The following TMEM161B variants were observed in gnomAD, a reference collection of about 807,000 sequenced individuals.
TMEM161B encodes transmembrane protein 161B.
Under a neutral mutation model 61.8 loss-of-function variants are expected in TMEM161B, and 34 were observed. That is an observed-to-expected ratio of 0.55 (90% CI 0.42 to 0.73). TMEM161B has a LOEUF of 0.73. Among genes scored for constraint, TMEM161B ranks in the 30% least tolerant of loss-of-function variants. The pLI, the probability that TMEM161B is intolerant of heterozygous loss-of-function variation, is 0.00. For missense variants in TMEM161B, 456 were observed against 558.5 expected, an observed-to-expected ratio of 0.82 and a Z score of 1.85; for synonymous variants, 167 against 192.8, an observed-to-expected ratio of 0.87 and a Z score of 1.11.
intron 2 of TMEM161B, among the ~76,000 whole-genome samples, chr5:88,234,019 G>C (rs902923322): frequency 1.3e-5 from 2 of 152,160 alleles, no homozygotes; most frequent in African/African-American, 4.8e-5. Flanking sequence ...TGGCTACAAA[G>C]GGAAATAGAG....
chr5:88,197,988 C>A, intron 10 of TMEM161B: 1 of 368,890 alleles, frequency 2.7e-6, no homozygotes, highest in East Asian at 4.5e-5. Context: ...AAAATAGATT[C>A]CTTAAAAATA....
At position 88,221,653 on chromosome 5, in the gene TMEM161B, A is replaced by G. The variant is rs187374825; in HGVS notation, c.290-934T>C. 6.6e-6 allele frequency: 3 copies of G among 454,246 alleles called. No homozygotes were observed. The East Asian group carries it at 2.1e-4, about 32-fold the overall frequency. 28.1% of individuals were successfully genotyped at this position (454,246 alleles called of 1,614,324 possible). A position where few individuals can be genotyped will look rare whatever the true frequency, so the allele number is the denominator to read the frequency against. On this transcript the variant is annotated intron_variant, in intron 4 of 11. Transcript: ENST00000296595. ...TTACATTGAAATTAACATTCTTTGA[A>G]AGTAAATATAATTCCATCACCCTTT...
chr5:88,191,037 AT>A (rs1748776649), downstream of TMEM161B, among the ~76,000 whole-genome samples: 2 of 152,206 alleles, frequency 1.3e-5, no homozygotes, highest in African/African-American at 4.8e-5. Flanking sequence ...TAACACAGGC[AT>A]TCAATAATTG....
intron 11 of TMEM161B, among the ~76,000 whole-genome samples, 195 bp downstream of exon 11, chr5:88,197,474 T>C (rs531656925): frequency 1.3e-5 from 2 of 152,164 alleles, no homozygotes; most frequent in East Asian, 3.8e-4. Flanking sequence ...CATAAAGTTA[T>C]AAAACCATGG....
chr5:88,200,151 T>C (rs187823396), intron 9 of TMEM161B: 14 of 151,754 alleles, frequency 9.2e-5, no homozygotes, highest in Admixed American at 8.6e-4. Context: ...AAGTGTAAAA[T>C]TTTGCTCGAA....
intron 5 of TMEM161B, among the ~76,000 whole-genome samples, chr5:88,208,608 C>T (rs1746053768): frequency 2.0e-5 from 3 of 152,230 alleles, no homozygotes; most frequent in Admixed American, 6.5e-5. Flanking sequence ...CACCACTGCA[C>T]TCCAGTCTGG....
intron 1 of TMEM161B, among the ~76,000 whole-genome samples, chr5:88,263,565 C>G (rs1198657857): frequency 6.6e-6 from 1 of 152,094 alleles, no homozygotes; most frequent in Non-Finnish European, 1.5e-5. Context: ...AGAGTTTACA[C>G]TTAAGTTTAT....
intron 5 of TMEM161B, among the ~76,000 whole-genome samples, chr5:88,208,946 TCACA>T (rs1561326310): frequency 6.6e-6 from 1 of 152,178 alleles, no homozygotes; most frequent in African/African-American, 2.4e-5. Flanking sequence ...CATATATATC[TCACA>T]CACATAGTCT....
intron 3 of TMEM161B, 111 bp downstream of exon 3, chr5:88,228,334 T>C: frequency 1.3e-6 from 1 of 790,684 alleles, no homozygotes; most frequent in South Asian, 1.8e-5. Flanking sequence ...ATCTCAAATT[T>C]ATCAACTACT....
intron 1 of TMEM161B, among the ~76,000 whole-genome samples, chr5:88,242,756 T>A (rs1561400397): frequency 1.3e-5 from 2 of 151,728 alleles, no homozygotes; most frequent in African/African-American, 4.8e-5. Flanking sequence ...TTATTATCAC[T>A]ACTAGAAGAC....
At chr5:88,228,137 C>T (rs566374591) in intron 3 of TMEM161B, among the ~76,000 whole-genome samples, 2 of 152,240 alleles carry the variant, frequency 1.3e-5, no homozygotes, top group Non-Finnish European at 1.5e-5. Flanking sequence ...AACCAACTGA[C>T]GTCTTTAATT....
chr5:88,188,871 G>T (rs1046008920), downstream of TMEM161B, among the ~76,000 whole-genome samples: 1 of 152,140 alleles, frequency 6.6e-6, no homozygotes, highest in Admixed American at 6.5e-5. Flanking sequence ...GTCATCAGTG[G>T]CACCGGCTGG....
In TMEM161B at chr5:88,220,632, T is replaced by C. The variant is rs759556092; in HGVS notation, c.377A>G (p.Asn126Ser). ...CATTTCCTGTGTAGGCTTCATAAAATTGTAGTAGACTTCAGTTACTAGATA... is the reference window on the plus strand; with the variant it reads ...CATTTCCTGTGTAGGCTTCATAAAACTGTAGTAGACTTCAGTTACTAGATA... ...VVYLVTEVYY[N>S]FMKPTQEMNI... The change falls in exon 5 of 12, where the codon AAT becomes AGT. Residue 126 changes from asparagine to serine, a missense_variant. Around this residue, in one of 3 missense-constraint regions of TMEM161B, gnomAD observed 367 missense variants for 427.3 expected, o/e 0.86. Transcript: ENST00000296595. 2.2e-5 allele frequency: 36 copies of C among 1,604,396 alleles called. No homozygotes were observed. Among genetic ancestry groups the C allele is most frequent in the Admixed American group, 6.8e-5 (4 of 58,464 alleles).
chr5:88,224,077 CT>C (rs1056315360), intron 4 of TMEM161B, among the ~76,000 whole-genome samples: 3 of 152,014 alleles, frequency 2.0e-5, no homozygotes, highest in African/African-American at 7.3e-5. Context: ...GATGCTGGAC[CT>C]CTTAAGATTT....
chr5:88,220,727 GAAAAAAAAA>G lies in TMEM161B; in HGVS notation c.290-17_290-9del, dbSNP rs764112016. On this transcript the variant is annotated splice_polypyrimidine_tract_variant and intron_variant, in intron 4 of 11. Transcript: ENST00000296595. ...CTGGAAAGTAATGCAATGCTGGAAA[GAAAAAAAAA>G]AAAAAAAAAAAAAAAGGTCAAAAAA... 41 of 602,702 alleles carry G rather than the reference GAAAAAAAAA, an allele frequency of 6.8e-5. No individual in the cohort carries two copies. The East Asian group carries it at 2.0e-3, about 30-fold the overall frequency. 37.3% of individuals were successfully genotyped at this position (602,702 alleles called of 1,614,324 possible).
rs189723935 is a variant in TMEM161B at position 88,225,649 on chromosome 5, C to T, written c.289+120G>A. 5.2e-6 allele frequency: 3 copies of T among 572,126 alleles called. No homozygotes were observed. In the Admixed American group the frequency reaches 1.1e-4, roughly 21 times the overall value. The allele number at this position is 572,126 out of a possible 1,614,324, so 35.4% of individuals were successfully genotyped here. ...AATTCAAATGAAGTCATTTGAGCTT[C>T]TAAGTTCTTAGAAAGATTCCATATT... On this transcript the variant is annotated intron_variant, in intron 4 of 11. Coordinates refer to ENST00000296595, the MANE Select transcript of TMEM161B (RefSeq NM_153354.5).
chr5:88,196,229 C>T lies in TMEM161B; in HGVS notation c.1446G>A (p.Gln482=). 2 of 1,611,414 alleles carry T rather than the reference C, an allele frequency of 1.2e-6. No individual in the cohort carries two copies. Among genetic ancestry groups the T allele is most frequent in the South Asian group, 1.1e-5 (1 of 90,880 alleles). ...CTGAGATTCATGCCACAGTCAGATA[C>T]TGGTGATAGAAAAGCCCAAAAAGGC... ...STSLFGLFYH[Q]YLTVA The change falls in exon 12 of 12, where the codon CAG becomes CAA. Residue 482 remains glutamine, a synonymous_variant. Transcript: ENST00000296595.
chr5:88,199,132 G>T lies in TMEM161B; in HGVS notation c.933C>A (p.Phe311Leu). 6.2e-7 allele frequency: 1 copy of T among 1,609,588 alleles called. No individual in the cohort carries two copies. Among genetic ancestry groups the T allele is most frequent in the African/African-American group, 1.3e-5 (1 of 74,836 alleles). ...ESIPLMTEATFDTLRLWLIIL... is the reference protein window; with the variant it reads ...ESIPLMTEATLDTLRLWLIIL... Reference sequence around the variant, plus strand: ...TTATTAACCAGAGTCGCAGAGTATCGAATGTGGCTTCTGTCATTCTACAGA... The same window carrying T: ...TTATTAACCAGAGTCGCAGAGTATCTAATGTGGCTTCTGTCATTCTACAGA... Residue 311 changes from phenylalanine to leucine, a missense_variant, in exon 10 of 12, where the codon TTC (phenylalanine) becomes TTA (leucine). By Grantham distance (22) the Phe-to-Leu change is conservative. Around this residue, in one of 3 missense-constraint regions of TMEM161B, gnomAD observed 367 missense variants for 427.3 expected, o/e 0.86. Transcript: ENST00000296595.
chr5:88,198,017 T>C (rs1036386967), intron 10 of TMEM161B: 1 of 288,376 alleles, frequency 3.5e-6, no homozygotes, highest in Non-Finnish European at 6.5e-6. Flanking sequence ...ATGATGTATA[T>C]ATATTGGAGA....
Sources: gnomAD v4.1 joint callset for allele counts (sites outside exome capture counted in the v4.1 genomes callset) on GRCh38, gnomAD v4.1.1 for gene constraint, gnomAD v4.1.1 regional missense constraint, MANE v1.5 for transcripts, NCBI Gene and HGNC (gene_info 2026-07-23, HGNC 2026-07-21) for gene names.